Variants in ITPR1 observed in about 807,000 individuals in gnomAD.
ITPR1 encodes inositol 1,4,5-trisphosphate-gated calcium channel ITPR1.
Under a neutral mutation model 318.4 loss-of-function variants are expected in ITPR1, and 96 were observed. The ratio of observed to expected loss-of-function variants is 0.30; its 90% CI spans 0.26 to 0.36. The LOEUF is 0.36. Ranked by LOEUF, ITPR1 falls within the 10% of genes least tolerant of loss-of-function variation. ITPR1 has a pLI of 1.00. For synonymous variants in ITPR1, 1,312 were observed against 1,289.9 expected, an observed-to-expected ratio of 1.02 and a Z score of -0.37; for missense variants, 2,440 against 3,460.2, an observed-to-expected ratio of 0.71 and a Z score of 7.40.
intron 4 of ITPR1, among the ~76,000 whole-genome samples, chr3:4,524,946 G>T (rs2082861500): frequency 1.3e-5 from 2 of 152,196 alleles, no homozygotes; most frequent in Admixed American, 1.3e-4. Flanking sequence ...TGTGTGTTAA[G>T]AATTTAGTAC....
chr3:4,827,539 T>C (rs1219871728), intron 60 of ITPR1, among the ~76,000 whole-genome samples: 1 of 152,200 alleles, frequency 6.6e-6, no homozygotes, highest in Non-Finnish European at 1.5e-5. Flanking sequence ...TAGTCATTTG[T>C]ATGAGAAAGC....
rs1177303903 is a variant in ITPR1, at chr3:4,779,847, A to C, written c.6387+202A>C. On this transcript the variant is annotated intron_variant, in intron 49 of 61. Transcript: ENST00000649015. The surrounding 1 kb of genome is among the most constrained non-coding windows in gnomAD (Gnocchi z 4.0). ...AAAAGTAATCGCGGTTTTTGCTATT[A>C]CTTTCAATGGCAAAACCACTATTAC... Among the ~76,000 whole-genome samples, 2 of 149,114 alleles carry C rather than the reference A, an allele frequency of 1.3e-5. No homozygotes were observed. Among genetic ancestry groups the C allele is most frequent in the Non-Finnish European group, 3.0e-5 (2 of 67,306 alleles).
chr3:4,591,986 C>T (rs887432871), intron 4 of ITPR1, among the ~76,000 whole-genome samples: 1 of 152,124 alleles, frequency 6.6e-6, no homozygotes, highest in African/African-American at 2.4e-5. Context: ...ATTTTGTATC[C>T]TTTGAGATCA....
chr3:4,497,347 A>G (rs915213735), intron 2 of ITPR1, among the ~76,000 whole-genome samples: 5 of 152,266 alleles, frequency 3.3e-5, no homozygotes, highest in Admixed American at 3.3e-4. Flanking sequence ...TGCGATTCAA[A>G]TGTTTTATTC....
At chr3:4,500,494 T>C (rs999320841) in intron 2 of ITPR1, among the ~76,000 whole-genome samples, 3 of 152,138 alleles carry the variant, frequency 2.0e-5, no homozygotes, top group Non-Finnish European at 4.4e-5. Flanking sequence ...GAGACCATCA[T>C]GCCTGGCCAA....
chr3:4,717,510 C>T (rs2041860724), intron 40 of ITPR1, 111 bp downstream of exon 40: 5 of 904,498 alleles, frequency 5.5e-6, no homozygotes, highest in South Asian at 5.3e-5. Flanking sequence ...GAGTATCTGG[C>T]TTTGTGTGGT....
At chr3:4,819,128 T>C (rs11715741) in intron 60 of ITPR1, among the ~76,000 whole-genome samples, 1 of 152,138 alleles carries the variant, frequency 6.6e-6, no homozygotes, top group Non-Finnish European at 1.5e-5. Context: ...AGGCTTTTTA[T>C]GTAAAGATAC....
Position 4,717,385 on chromosome 3 carries a change from T to A in ITPR1, c.5122T>A (p.Leu1708Met). The change falls in exon 40 of 62, where the codon TTG (leucine) becomes ATG (methionine). Residue 1708 changes from leucine (L) to methionine (M), a missense_variant. By Grantham distance (15) the Leu-to-Met change is conservative. Around this residue, in one of 23 missense-constraint regions of ITPR1, gnomAD observed 166 missense variants for 143.7 expected, o/e 1.16. Transcript: ENST00000649015. Reference protein sequence around the residue: ...YGEKLISIDELDNAELPPAPD... With the variant: ...YGEKLISIDEMDNAELPPAPD... ...TTTCCAGCTAATTTCCATTGATGAATTGGATAATGCTGAGGTCCTAATTTT... is the reference window on the plus strand; with the variant it reads ...TTTCCAGCTAATTTCCATTGATGAAATGGATAATGCTGAGGTCCTAATTTT... The A allele has an allele frequency of 6.3e-7, 1 of 1,597,072 alleles. No individual in the cohort carries two copies.
chr3:4,757,874 T>A (rs1392993674), intron 44 of ITPR1, among the ~76,000 whole-genome samples: 1 of 152,108 alleles, frequency 6.6e-6, no homozygotes, highest in East Asian at 1.9e-4. Flanking sequence ...AAGCCCCACC[T>A]CTTGGTAGCC....
chr3:4,508,856 G>T (rs2081588581), intron 2 of ITPR1, among the ~76,000 whole-genome samples: 1 of 152,160 alleles, frequency 6.6e-6, no homozygotes, highest in Non-Finnish European at 1.5e-5. Context: ...AAAAACAACA[G>T]TACTTTGGAG....
chr3:4,783,647 G>T (rs935347369), intron 50 of ITPR1, among the ~76,000 whole-genome samples, 169 bp from the exon 51 acceptor site: 1 of 152,260 alleles, frequency 6.6e-6, no homozygotes, highest in Non-Finnish European at 1.5e-5. Flanking sequence ...CCAAAATAGC[G>T]CCTGTGCACA....
At chr3:4,788,908 G>C (rs1441330158) in intron 52 of ITPR1, among the ~76,000 whole-genome samples, 2 of 152,184 alleles carry the variant, frequency 1.3e-5, no homozygotes, top group Non-Finnish European at 2.9e-5. Flanking sequence ...CTCTTTCTGA[G>C]GGGTAGACCT....
In ITPR1 at chr3:4,673,235, C is replaced by T. The variant is rs2125213962; in HGVS notation, c.2304C>T (p.Cys768=). The change falls in exon 21 of 62, where the codon TGC becomes TGT. Residue 768 remains cysteine (C), a synonymous_variant. Coordinates refer to ENST00000649015, the MANE Select transcript of ITPR1 (RefSeq NM_001378452.1). Reference sequence around the variant, plus strand: ...TGGATGTCGATCTCATTCTCCGCTGCATGTCTGACGAGAACCTGCCCTATG... The same window carrying T: ...TGGATGTCGATCTCATTCTCCGCTGTATGTCTGACGAGAACCTGCCCTATG... ...GQLDVDLILR[C]MSDENLPYDL... is the part of the protein sequence containing the mutation. 5 of 1,614,024 alleles carry T rather than the reference C, an allele frequency of 3.1e-6. No homozygotes were observed. The highest frequency in any genetic ancestry group is 4.2e-6 in the Non-Finnish European group (5 of 1,179,884).
intron 23 of ITPR1, 98 bp downstream of exon 23, chr3:4,675,346 T>G (rs2094163148): frequency 1.2e-6 from 1 of 818,968 alleles, no homozygotes; most frequent in African/African-American, 1.8e-5. Flanking sequence ...ATCCTTTCTT[T>G]GTTCATTCCT....
In ITPR1 at chr3:4,811,381, C is replaced by A; in HGVS notation, c.7389C>A (p.Phe2463Leu). Residue 2463 changes from phenylalanine to leucine, a missense_variant, in exon 56 of 62, where the codon TTC (phenylalanine) becomes TTA (leucine). Physicochemically the swap from Phe to Leu is conservative, Grantham distance 22 (BLOSUM62 0). Transcript: ENST00000649015. ...AVLALILVYLFSIVGYLFFKD... is the reference protein window; with the variant it reads ...AVLALILVYLLSIVGYLFFKD... Reference sequence around the variant, plus strand: ...TGGCTCTGATCCTCGTTTACCTGTTCTCAATAGTGGGCTATCTTTTCTTCA... The same window carrying A: ...TGGCTCTGATCCTCGTTTACCTGTTATCAATAGTGGGCTATCTTTTCTTCA... 1.2e-6 allele frequency: 2 copies of A among 1,614,026 alleles called. No individual in the cohort carries two copies. The highest frequency in any genetic ancestry group is 1.7e-6 in the Non-Finnish European group (2 of 1,179,872).
At chr3:4,569,675 G>A (rs1352446097) in intron 4 of ITPR1, among the ~76,000 whole-genome samples, 4 of 152,204 alleles carry the variant, frequency 2.6e-5, no homozygotes, top group African/African-American at 9.6e-5. Context: ...GCAAGCATAG[G>A]TAACACAGCT....
chr3:4,818,539 A>G (rs1681590340), intron 60 of ITPR1, among the ~76,000 whole-genome samples: 1 of 152,186 alleles, frequency 6.6e-6, no homozygotes, highest in Non-Finnish European at 1.5e-5. Flanking sequence ...CAAACTCCAT[A>G]GCCCGATTTC....
intron 44 of ITPR1, among the ~76,000 whole-genome samples, chr3:4,741,670 C>G (rs1326483588): frequency 6.6e-6 from 1 of 152,124 alleles, no homozygotes; most frequent in East Asian, 1.9e-4. Flanking sequence ...TGGGCTATCT[C>G]TGACCCCAGT....
chr3:4,599,750 G>A (rs1238738728), intron 4 of ITPR1, among the ~76,000 whole-genome samples: 5 of 152,228 alleles, frequency 3.3e-5, no homozygotes, highest in Non-Finnish European at 7.3e-5. Flanking sequence ...GTTCTGCAGT[G>A]TGTTGGACTT....
Sources: gnomAD v4.1 joint callset for allele counts (sites outside exome capture counted in the v4.1 genomes callset) on GRCh38, gnomAD v4.1.1 for gene constraint, gnomAD v4.1.1 regional missense constraint, Gnocchi (gnomAD v3.1) non-coding constraint, MANE v1.5 for transcripts, NCBI Gene and HGNC (gene_info 2026-07-23, HGNC 2026-07-21) for gene names.